The following VPS11 variants were observed in gnomAD, a reference collection of about 807,000 sequenced individuals.
The protein encoded by VPS11 is VPS11 core subunit of CORVET and HOPS complexes, also known as vacuolar protein sorting-associated protein 11 homolog.
A neutral mutation model predicts 106.8 loss-of-function variants in VPS11; 51 were observed. That is an observed-to-expected ratio of 0.48 (90% CI 0.38 to 0.60). VPS11 has a LOEUF of 0.60. Ranked by LOEUF, VPS11 falls within the 20% of genes least tolerant of loss-of-function variation. The probability of loss-of-function intolerance (pLI) is 0.00; values close to 1 mark genes in which losing one functional copy is unlikely to be tolerated. For synonymous variants in VPS11, 453 were observed against 458.7 expected, an observed-to-expected ratio of 0.99 and a Z score of 0.16; for missense variants, 950 against 1,190.0, an observed-to-expected ratio of 0.80 and a Z score of 2.97.
In VPS11 at chr11:119,081,209, A is replaced by T; in HGVS notation, c.2556A>T (p.Glu852Asp). ...FHQHCFESYS[E>D]SDADCPTCLP... ...AACACTGCTTTGAGAGTTACTCGGA[A>T]AGTGATGCTGACTGCCCCACCTGCC... Residue 852 changes from glutamate (E) to aspartate (D), a missense_variant, in exon 15 of 16, where the codon GAA (glutamate) becomes GAT (aspartate). Transcript: ENST00000621676. The T allele has an allele frequency of 6.2e-7, 1 of 1,614,024 alleles. No individual in the cohort carries two copies. The highest frequency in any genetic ancestry group is 8.5e-7 in the Non-Finnish European group (1 of 1,179,906).
rs1296318963 is a variant in VPS11 at position 119,069,457 on chromosome 11, C to T, written c.352C>T (p.Leu118=). ...GINPLVKIWN[L]EKRDGGNPLC... Reference sequence around the variant, plus strand: ...CTGTCCACAGGTTAAGATCTGGAACCTGGAGAAGAGAGATGGTGGCAATCC... The same window carrying T: ...CTGTCCACAGGTTAAGATCTGGAACTTGGAGAAGAGAGATGGTGGCAATCC... The change falls in exon 3 of 16, where the codon CTG becomes TTG. Residue 118 remains leucine (L), a synonymous_variant. Coordinates refer to ENST00000621676, the MANE Select transcript of VPS11 (RefSeq NM_021729.6). The T allele has an allele frequency of 6.2e-7, 1 of 1,614,022 alleles. No homozygotes were observed. Among genetic ancestry groups the T allele is most frequent in the Non-Finnish European group, 8.5e-7 (1 of 1,179,896 alleles).
Position 119,081,661 on chromosome 11 carries a change from A to T in VPS11, c.*38A>T, listed in dbSNP as rs4614. 6.2e-7 allele frequency: 1 copy of T among 1,606,228 alleles called. No individual in the cohort carries two copies. The highest frequency in any genetic ancestry group is 1.1e-5 in the South Asian group (1 of 90,710). On this transcript the variant is annotated 3_prime_UTR_variant, in exon 16 of 16. Transcript: ENST00000621676. Reference sequence around the variant, plus strand: ...AAGATGTGGGCAACAGTGGAGGACCAAGAGAACAGACACAATGGGACCTGG... The same window carrying T: ...AAGATGTGGGCAACAGTGGAGGACCTAGAGAACAGACACAATGGGACCTGG...
intron 5 of VPS11, chr11:119,072,981 T>C (rs909986891): frequency 6.9e-6 from 4 of 577,610 alleles, no homozygotes; most frequent in Non-Finnish European, 9.2e-6. Flanking sequence ...TTTTCTAATC[T>C]GTTACTTGGG....
At chr11:119,073,766 TTC>T in intron 6 of VPS11, 32 bp from the exon 7 acceptor site, 2 of 1,593,880 alleles carry the variant, frequency 1.3e-6, no homozygotes, top group Non-Finnish European at 8.6e-7. Context: ...CCAGGACCAC[TTC>T]TACCAATTTT....
chr11:119,081,768 CTT>C lies in VPS11; in HGVS notation c.*147_*148del. 1 of 1,085,752 alleles carries C rather than the reference CTT, an allele frequency of 9.2e-7. No individual in the cohort carries two copies. 67.3% of individuals were successfully genotyped at this position (1,085,752 alleles called of 1,614,324 possible). A position where few individuals can be genotyped will look rare whatever the true frequency, so the allele number is the denominator to read the frequency against. Reference sequence around the variant, plus strand: ...TCACAGCCCTCAGAACTAAAGCGGACTTTCTTTCCCTGCCTTCTTATTTAGTC... The same window carrying C: ...TCACAGCCCTCAGAACTAAAGCGGACTCTTTCCCTGCCTTCTTATTTAGTC... On this transcript the variant is annotated 3_prime_UTR_variant, in exon 16 of 16. Transcript: ENST00000621676.
intron 4 of VPS11, 145 bp downstream of exon 4, chr11:119,070,542 A>AT (rs1156606092): frequency 1.7e-5 from 16 of 944,230 alleles, no homozygotes; most frequent in African/African-American, 8.3e-5. Flanking sequence ...TTTGTATTTT[A>AT]TTTTTTTGCC....
Position 119,077,526 on chromosome 11 carries a change from T to C in VPS11, c.1451T>C (p.Phe484Ser), listed in dbSNP as rs1945672550. ...IKKKSESEVH[F>S]DVETAIKVLR... ...AAAAAGAGTGAGAGTGAAGTCCACTTTGATGTGGAGACAGCCATCAAGGTC... is the reference window on the plus strand; with the variant it reads ...AAAAAGAGTGAGAGTGAAGTCCACTCTGATGTGGAGACAGCCATCAAGGTC... Residue 484 changes from phenylalanine to serine, a missense_variant, in exon 9 of 16, where the codon TTT (phenylalanine) becomes TCT (serine). Phe to Ser is a radical substitution (Grantham distance 155, BLOSUM62 -2). Coordinates refer to ENST00000621676, the MANE Select transcript of VPS11 (RefSeq NM_021729.6). 1.2e-6 allele frequency: 2 copies of C among 1,614,018 alleles called. No homozygotes were observed.
chr11:119,081,730 C>G lies in VPS11; in HGVS notation c.*107C>G, dbSNP rs542046258. On this transcript the variant is annotated 3_prime_UTR_variant, in exon 16 of 16. Coordinates refer to ENST00000621676, the MANE Select transcript of VPS11 (RefSeq NM_021729.6). ...GCTGGCTGACATGCCCAGGGCTCCA[C>G]TCTCATCTAATGTCACAGCCCTCAG... The G allele has an allele frequency of 1.4e-6, 2 of 1,411,292 alleles. No individual in the cohort carries two copies. The highest frequency in any genetic ancestry group is 1.4e-5 in the African/African-American group (1 of 69,558). The allele number at this position is 1,411,292 out of a possible 1,614,324, so 87.4% of individuals were successfully genotyped here.
Position 119,067,959 on chromosome 11 carries a change from C to T in VPS11, c.136C>T (p.Pro46Ser), listed in dbSNP as rs2134735270. ...CGCTGCTTCCAAGTTCCTTTGCCTC[C>T]CTCCTGGCATCACTGTCTGCGACTC... ...GSAASKFLCLPPGITVCDSGR... is the reference protein window; with the variant it reads ...GSAASKFLCLSPGITVCDSGR... Residue 46 changes from proline (P) to serine (S), a missense_variant, in exon 1 of 16, where the codon CCT becomes TCT. Coordinates refer to ENST00000621676, the MANE Select transcript of VPS11 (RefSeq NM_021729.6). 3 of 1,612,960 alleles carry T rather than the reference C, an allele frequency of 1.9e-6. No homozygotes were observed. Among genetic ancestry groups the T allele is most frequent in the Non-Finnish European group, 2.5e-6 (3 of 1,179,476 alleles).
intron 6 of VPS11, 83 bp downstream of exon 6, chr11:119,073,482 G>T: frequency 6.7e-7 from 1 of 1,500,332 alleles, no homozygotes; most frequent in African/African-American, 1.4e-5. Context: ...TATTGGCCAG[G>T]GTGTTTCCCT....
intron 7 of VPS11, among the ~76,000 whole-genome samples, chr11:119,076,324 C>T (rs190456214): frequency 8.5e-5 from 13 of 152,082 alleles, no homozygotes; most frequent in Admixed American, 4.6e-4. Context: ...GTCGGGAGTT[C>T]GAAACTAGCC....
chr11:119,073,979 G>C (rs1945503296), intron 7 of VPS11, 28 bp downstream of exon 7: 1 of 1,589,194 alleles, frequency 6.3e-7, no homozygotes. Context: ...TTGGGATATA[G>C]CTGTGAATGC....
intron 5 of VPS11, chr11:119,072,965 A>C (rs984991242): frequency 3.6e-6 from 2 of 554,270 alleles, no homozygotes; most frequent in Non-Finnish European, 6.5e-6. Flanking sequence ...ATGTTAGTGT[A>C]CTTAATTTTC....
rs114778151 is a variant in VPS11, at chr11:119,077,262, C to T, written c.1425+179C>T. 2.5e-3 allele frequency among the ~76,000 whole-genome samples: 374 copies of T among 152,280 alleles called. 2 individuals are homozygous for T. Among genetic ancestry groups the T allele is most frequent in the East Asian group, 0.015 (80 of 5,188 alleles). On this transcript the variant is annotated intron_variant, in intron 8 of 15. Transcript: ENST00000621676. ...CTCTTGTTTTATGATTCTAGAAATT[C>T]CCATGGTATCTAAGCCCAGGGTGGT...
rs560403923 is a variant in VPS11, at chr11:119,081,266, C to A, written c.2613C>A (p.Ile871=). The change falls in exon 15 of 16, where the codon ATC becomes ATA. Residue 871 remains isoleucine, a synonymous_variant. Transcript: ENST00000621676. ...AAAACCGGAAGGTCATGGATATGAT[C>A]CGGGCCCAGGAACAGAAACGAGATC... ...LPENRKVMDM[I]RAQEQKRDLH... The A allele has an allele frequency of 6.6e-5, 107 of 1,613,878 alleles. 3 individuals are homozygous for A. The South Asian group carries it at 1.1e-3, about 17-fold the overall frequency.
In VPS11 at chr11:119,077,450, C is replaced by T. The variant is rs893053706; in HGVS notation, c.1426-51C>T. Reference sequence around the variant, plus strand: ...AAAGTCAGGTGCCTGTTTCCTCTCCCTTCTCTATCTCCCTCTGTGTAAATG... The same window carrying T: ...AAAGTCAGGTGCCTGTTTCCTCTCCTTTCTCTATCTCCCTCTGTGTAAATG... On this transcript the variant is annotated intron_variant, in intron 8 of 15. Transcript: ENST00000621676. 1.9e-6 allele frequency: 3 copies of T among 1,584,424 alleles called. No individual in the cohort carries two copies. In the African/African-American group the frequency reaches 4.1e-5, roughly 21 times the overall value.
In VPS11 at chr11:119,081,688, C is replaced by A; in HGVS notation, c.*65C>A. 6.4e-7 allele frequency: 1 copy of A among 1,571,680 alleles called. No individual in the cohort carries two copies. Among genetic ancestry groups the A allele is most frequent in the African/African-American group, 1.4e-5 (1 of 73,994 alleles). On this transcript the variant is annotated 3_prime_UTR_variant, in exon 16 of 16. Coordinates refer to ENST00000621676, the MANE Select transcript of VPS11 (RefSeq NM_021729.6). ...GAGAACAGACACAATGGGACCTGGG[C>A]GGGCGTTACACAGAAGGCTGGCTGA...
At chr11:119,078,409 T>C (rs1006412663) in intron 11 of VPS11, 75 bp downstream of exon 11, 1 of 1,584,732 alleles carries the variant, frequency 6.3e-7, no homozygotes, top group African/African-American at 1.3e-5. Flanking sequence ...TGGCTGCCTT[T>C]CACTGCATTC....
chr11:119,074,016 C>A, intron 7 of VPS11, 65 bp downstream of exon 7: 1 of 1,527,490 alleles, frequency 6.5e-7, no homozygotes, highest in Non-Finnish European at 8.9e-7. Flanking sequence ...ATAGCTAAAG[C>A]CCATCCATGC....
Sources: gnomAD v4.1 joint callset for allele counts (sites outside exome capture counted in the v4.1 genomes callset) on GRCh38, gnomAD v4.1.1 for gene constraint, MANE v1.5 for transcripts, NCBI Gene and HGNC (gene_info 2026-07-23, HGNC 2026-07-21) for gene names.